The following JAKMIP1 variants were observed in gnomAD, a reference collection of about 807,000 sequenced individuals.
The protein encoded by JAKMIP1 is janus kinase and microtubule interacting protein 1.
A neutral mutation model predicts 113.0 loss-of-function variants in JAKMIP1; 33 were observed. The ratio of observed to expected loss-of-function variants is 0.29; its 90% CI spans 0.22 to 0.39. The LOEUF is 0.39. Among genes scored for constraint, JAKMIP1 ranks in the 10% least tolerant of loss-of-function variants. The pLI is 1.00. For synonymous variants in JAKMIP1, 480 were observed against 459.9 expected (o/e 1.04, Z -0.56); for missense variants, 813 against 1,080.5 (o/e 0.75, Z 3.47).
chr4:6,032,457 G>A (rs1712833107), intron 19 of JAKMIP1, among the ~76,000 whole-genome samples: 1 of 152,150 alleles, frequency 6.6e-6, no homozygotes, highest in Admixed American at 6.5e-5. Context: ...CCTTGGACAA[G>A]TTGCTTACCT....
rs1470250119 is a variant in JAKMIP1 at position 6,193,297 on chromosome 4, G to T, written c.-148+6956C>A. 1.3e-5 allele frequency among the ~76,000 whole-genome samples: 2 copies of T among 152,156 alleles called. No individual in the cohort carries two copies. Among genetic ancestry groups the T allele is most frequent in the East Asian group, 1.9e-4 (1 of 5,182 alleles). The stretch of plus-strand genomic sequence containing the variant: ...GAGGTTTTGGGATTCAGACTGATCC[G>T]CCACTGGTTTCTTTGCTCCTCAACT... On this transcript the variant is annotated intron_variant, in intron 1 of 20. Transcript: ENST00000409021. This position sits in a 1 kb window ranked among gnomAD's most constrained non-coding sequence, Gnocchi z 6.4.
chr4:6,026,223 A>C lies in JAKMIP1; in HGVS notation c.*5T>G. ...CCAACCCGAGTTCTTGGCTCACTGA[A>C]GTCATCAAGGCCACAGAATGAATGC... On this transcript the variant is annotated 3_prime_UTR_variant, in exon 21 of 21. Transcript: ENST00000409021. 6.5e-7 allele frequency: 1 copy of C among 1,549,754 alleles called. No individual in the cohort carries two copies. Among genetic ancestry groups the C allele is most frequent in the Non-Finnish European group, 8.7e-7 (1 of 1,146,058 alleles).
chr4:6,119,571 A>AAC (rs1491133690), intron 1 of JAKMIP1, among the ~76,000 whole-genome samples: 5 of 84,402 alleles, frequency 5.9e-5, no homozygotes, highest in African/African-American at 1.8e-4. Flanking sequence ...CAACAACAAC[A>AAC]AAAAAAAACC....
intron 1 of JAKMIP1, among the ~76,000 whole-genome samples, chr4:6,115,780 G>A (rs1271641585): frequency 6.6e-6 from 1 of 152,230 alleles, no homozygotes; most frequent in Non-Finnish European, 1.5e-5. Context: ...CTAAAAAGCT[G>A]AAGAGAAAGC....
chr4:6,061,575 G>C lies in JAKMIP1; in HGVS notation c.1560+737C>G, dbSNP rs1316177029. 6.6e-6 allele frequency among the ~76,000 whole-genome samples: 1 copy of C among 152,190 alleles called. No homozygotes were observed. Among genetic ancestry groups the C allele is most frequent in the African/African-American group, 2.4e-5 (1 of 41,434 alleles). ...CCGAGAAACCTGGCCTCGACTCCCA[G>C]CTCTGTTCAGCATCATCTGGGTATT... On this transcript the variant is annotated intron_variant, in intron 10 of 20. Transcript: ENST00000409021. The surrounding 1 kb of genome is among the most constrained non-coding windows in gnomAD (Gnocchi z 5.3).
Position 6,167,297 on chromosome 4 carries a change from T to C in JAKMIP1, c.-148+32956A>G, listed in dbSNP as rs951468862. 2.0e-5 allele frequency among the ~76,000 whole-genome samples: 3 copies of C among 151,952 alleles called. No homozygotes were observed. Among genetic ancestry groups the C allele is most frequent in the Non-Finnish European group, 4.4e-5 (3 of 67,986 alleles). ...CCCATCAGAGCTGGGACTTCATCTT[T>C]CATGTGGCTCCTCCTCCCCCTGACA... is the stretch of plus-strand genomic sequence containing the variant. On this transcript the variant is annotated intron_variant, in intron 1 of 20. Transcript: ENST00000409021. The surrounding 1 kb of genome is among the most constrained non-coding windows in gnomAD (Gnocchi z 5.3).
At position 6,178,254 on chromosome 4, in the gene JAKMIP1, A is replaced by G. The variant is rs1725604976; in HGVS notation, c.-148+21999T>C. ...GAGAGACGTGGCTACCTTTCAGGTA[A>G]GCAGCTTTTCCTTTGTTACCCTACG... On this transcript the variant is annotated intron_variant, in intron 1 of 20. Coordinates refer to ENST00000409021, the MANE Select transcript of JAKMIP1 (RefSeq NM_001099433.2). This position sits in a 1 kb window ranked among gnomAD's most constrained non-coding sequence, Gnocchi z 5.5. Among the ~76,000 whole-genome samples, 1 of 152,240 alleles carries G rather than the reference A, an allele frequency of 6.6e-6. No homozygotes were observed. Among genetic ancestry groups the G allele is most frequent in the South Asian group, 2.1e-4 (1 of 4,836 alleles).
chr4:6,042,497 G>C lies in JAKMIP1; in HGVS notation c.2029-270C>G, dbSNP rs934723648. Among the ~76,000 whole-genome samples, 10 of 152,058 alleles carry C rather than the reference G, an allele frequency of 6.6e-5. No individual in the cohort carries two copies. The highest frequency in any genetic ancestry group is 6.5e-5 in the Admixed American group (1 of 15,270). On this transcript the variant is annotated intron_variant, in intron 16 of 20. Transcript: ENST00000409021. This position sits in a 1 kb window ranked among gnomAD's most constrained non-coding sequence, Gnocchi z 5.2. ...CAGAGCCTGGATGGACCCGAGTGTG[G>C]GCGGCTGCGAGTGTGTGCAGCAGAG...
intron 1 of JAKMIP1, among the ~76,000 whole-genome samples, chr4:6,126,503 TACAG>T (rs1003504882): frequency 1.6e-5 from 2 of 123,492 alleles, no homozygotes; most frequent in South Asian, 2.6e-4. Flanking sequence ...ACACGCATCA[TACAG>T]AAACACACAT....
chr4:6,189,151 T>C (rs998054361), intron 1 of JAKMIP1, among the ~76,000 whole-genome samples: 4 of 152,152 alleles, frequency 2.6e-5, no homozygotes, highest in African/African-American at 7.2e-5. Context: ...ACCAGGCTAA[T>C]GGAATAAGAA....
chr4:6,199,448 G>A lies in JAKMIP1; in HGVS notation c.-148+805C>T, dbSNP rs978373865. On this transcript the variant is annotated intron_variant, in intron 1 of 20. Coordinates refer to ENST00000409021, the MANE Select transcript of JAKMIP1 (RefSeq NM_001099433.2). This position sits in a 1 kb window ranked among gnomAD's most constrained non-coding sequence, Gnocchi z 5.6. ...AGGGGCTGGGAGGCGAGGCCGCAGC[G>A]CACTGACGCAGGCCAGCGAGGCCGC... Among the ~76,000 whole-genome samples, 1 of 152,220 alleles carries A rather than the reference G, an allele frequency of 6.6e-6. No homozygotes were observed. Among genetic ancestry groups the A allele is most frequent in the South Asian group, 2.1e-4 (1 of 4,834 alleles).
rs1047976679 is a variant in JAKMIP1, at chr4:6,106,191, G to A, written c.130-224C>T. 6.6e-6 allele frequency among the ~76,000 whole-genome samples: 1 copy of A among 152,228 alleles called. No individual in the cohort carries two copies. Among genetic ancestry groups the A allele is most frequent in the Admixed American group, 6.5e-5 (1 of 15,288 alleles). On this transcript the variant is annotated intron_variant, in intron 2 of 20. Coordinates refer to ENST00000409021, the MANE Select transcript of JAKMIP1 (RefSeq NM_001099433.2). This position sits in a 1 kb window ranked among gnomAD's most constrained non-coding sequence, Gnocchi z 5.9. The stretch of plus-strand genomic sequence containing the variant: ...TAGTTCCCTGAGACTTTCCCTGGGG[G>A]TGGAAACCCCCTGAGGATGCTGGAG...
rs1723891334 is a variant in JAKMIP1 at position 6,168,155 on chromosome 4, ATGTGGGGAAC to A, written c.-148+32088_-148+32097del. ...CGCACAACAACAAGTGTGGGTGAGC[ATGTGGGGAAC>A]TGGACCCTTTATGCATTGCTGGTGG... is the stretch of plus-strand genomic sequence containing the variant. On this transcript the variant is annotated intron_variant, in intron 1 of 20. Transcript: ENST00000409021. The surrounding 1 kb of genome is among the most constrained non-coding windows in gnomAD (Gnocchi z 4.6). Among the ~76,000 whole-genome samples the A allele has an allele frequency of 2.0e-5, 3 of 152,234 alleles. No individual in the cohort carries two copies. The South Asian group carries it at 6.2e-4, about 31-fold the overall frequency.
At position 6,199,263 on chromosome 4, in the gene JAKMIP1, C is replaced by G. The variant is rs1578540815; in HGVS notation, c.-148+990G>C. Among the ~76,000 whole-genome samples the G allele has an allele frequency of 1.3e-5, 2 of 152,212 alleles. No individual in the cohort carries two copies. The highest frequency in any genetic ancestry group is 1.9e-4 in the East Asian group (1 of 5,190). ...AGCCGGGCAGAGGCTGGCGGAGAGC[C>G]GAGGCTGGCCCAGCCTTCAGGAGAC... On this transcript the variant is annotated intron_variant, in intron 1 of 20. Transcript: ENST00000409021. The surrounding 1 kb of genome is among the most constrained non-coding windows in gnomAD (Gnocchi z 5.6).
Position 6,197,097 on chromosome 4 carries a change from G to A in JAKMIP1, c.-148+3156C>T, listed in dbSNP as rs867709013. ...CCGTGCAGCAAAGATGAGATAACCCGAGGCAGAAGCGGGAGGTTAAGTGCT... is the reference window on the plus strand; with the variant it reads ...CCGTGCAGCAAAGATGAGATAACCCAAGGCAGAAGCGGGAGGTTAAGTGCT... On this transcript the variant is annotated intron_variant, in intron 1 of 20. Coordinates refer to ENST00000409021, the MANE Select transcript of JAKMIP1 (RefSeq NM_001099433.2). The surrounding 1 kb of genome is among the most constrained non-coding windows in gnomAD (Gnocchi z 6.5). Among the ~76,000 whole-genome samples the A allele has an allele frequency of 2.6e-5, 4 of 152,304 alleles. No individual in the cohort carries two copies. The highest frequency in any genetic ancestry group is 2.1e-4 in the South Asian group (1 of 4,824).
rs954522330 is a variant in JAKMIP1 at position 6,157,918 on chromosome 4, A to G, written c.-148+42335T>C. 5.3e-5 allele frequency among the ~76,000 whole-genome samples: 8 copies of G among 152,212 alleles called. No individual in the cohort carries two copies. In the East Asian group the frequency reaches 7.7e-4, roughly 15 times the overall value. Reference sequence around the variant, plus strand: ...AACCAAGGGTGTCTTGCTTTGCATCAGCAGCACTAACTCCTGATGCAACAG... The same window carrying G: ...AACCAAGGGTGTCTTGCTTTGCATCGGCAGCACTAACTCCTGATGCAACAG... On this transcript the variant is annotated intron_variant, in intron 1 of 20. Coordinates refer to ENST00000409021, the MANE Select transcript of JAKMIP1 (RefSeq NM_001099433.2). This position sits in a 1 kb window ranked among gnomAD's most constrained non-coding sequence, Gnocchi z 4.7.
intron 1 of JAKMIP1, among the ~76,000 whole-genome samples, chr4:6,196,793 G>A (rs1259399784): frequency 4.0e-5 from 6 of 151,874 alleles, no homozygotes; most frequent in South Asian, 2.1e-4. Flanking sequence ...CCCAGGAGGC[G>A]GATGTTGCAG....
chr4:6,035,586 C>T (rs563482748), intron 19 of JAKMIP1, among the ~76,000 whole-genome samples: 6 of 152,304 alleles, frequency 3.9e-5, no homozygotes, highest in Non-Finnish European at 7.4e-5. Context: ...AACCATTCAG[C>T]GGATGCCTCC....
At chr4:6,039,399 G>A (rs548360165) in intron 18 of JAKMIP1, among the ~76,000 whole-genome samples, 14 of 152,340 alleles carry the variant, frequency 9.2e-5, no homozygotes, top group African/African-American at 3.1e-4. Flanking sequence ...AAGTCCTTCA[G>A]AGTTTTCCAA....
Sources: allele counts gnomAD v4.1 joint callset (sites outside exome capture counted in the v4.1 genomes callset), GRCh38; gene constraint gnomAD v4.1.1; non-coding constraint Gnocchi (gnomAD v3.1); transcripts MANE v1.5; gene names NCBI Gene and HGNC (gene_info 2026-07-23, HGNC 2026-07-21).